Variants in RNF13 observed in about 807,000 individuals in gnomAD.
RNF13 encodes the protein E3 ubiquitin-protein ligase RNF13.
Under a neutral mutation model 37.7 loss-of-function variants are expected in RNF13, and 19 were observed. That is an observed-to-expected ratio of 0.50 (90% CI 0.35 to 0.74). RNF13 has a LOEUF of 0.74. Among genes scored for constraint, RNF13 ranks in the 30% least tolerant of loss-of-function variants. RNF13 has a pLI of 0.01. For missense variants in RNF13, 375 were observed against 453.0 expected (o/e 0.83, Z 1.56); for synonymous variants, 144 against 157.8 (o/e 0.91, Z 0.65).
rs111494314 is a variant in RNF13 at position 149,899,989 on chromosome 3, C to T, written c.410-2083C>T. ...TGTAATCTATCTTTGTCGATATGTA[C>T]TTCACAGAGTTGTTTTACAGATCAA... On this transcript the variant is annotated intron_variant, in intron 5 of 9. Transcript: ENST00000392894. 7.7e-4 allele frequency among the ~76,000 whole-genome samples: 117 copies of T among 152,294 alleles called. 1 individual carries two copies. The highest frequency in any genetic ancestry group is 2.7e-3 in the African/African-American group (114 of 41,566).
At chr3:149,849,668 T>A (rs1046801042) in intron 2 of RNF13, among the ~76,000 whole-genome samples, 1 of 152,208 alleles carries the variant, frequency 6.6e-6, no homozygotes, top group Non-Finnish European at 1.5e-5. Context: ...TTACCAGAGC[T>A]TGTTATTTTC....
intron 1 of RNF13, among the ~76,000 whole-genome samples, chr3:149,835,637 G>GTA (rs992237417): frequency 2.8e-5 from 4 of 143,888 alleles, no homozygotes; most frequent in Non-Finnish European, 4.6e-5. Flanking sequence ...ATTCCATTGT[G>GTA]TGTGTGTGTG....
At chr3:149,840,016 A>T (rs1167525655) in intron 1 of RNF13, among the ~76,000 whole-genome samples, 6 of 151,884 alleles carry the variant, frequency 4.0e-5, no homozygotes, top group Non-Finnish European at 5.9e-5. Flanking sequence ...TATCTTATTT[A>T]TTTTTTTTCA....
chr3:149,855,622 GTA>G (rs570662983), intron 3 of RNF13, among the ~76,000 whole-genome samples: 1 of 150,798 alleles, frequency 6.6e-6, no homozygotes. Context: ...ATATGTGTGT[GTA>G]TATATATATG....
At chr3:149,868,279 C>G (rs1032115905) in intron 3 of RNF13, among the ~76,000 whole-genome samples, 1 of 151,610 alleles carries the variant, frequency 6.6e-6, no homozygotes, top group African/African-American at 2.4e-5. Flanking sequence ...TGTCTATGTA[C>G]TTAATTGTAC....
At chr3:149,892,558 G>A (rs1364246685) in intron 4 of RNF13, among the ~76,000 whole-genome samples, 2 of 152,170 alleles carry the variant, frequency 1.3e-5, no homozygotes, top group Admixed American at 6.5e-5. Context: ...TTAGGAAATG[G>A]GCCGCATGGC....
At chr3:149,923,664 G>T (rs901483939) in intron 8 of RNF13, among the ~76,000 whole-genome samples, 1 of 151,142 alleles carries the variant, frequency 6.6e-6, no homozygotes, top group African/African-American at 2.4e-5. Context: ...TACTCAGGAG[G>T]CTGAGGCAGG....
intron 3 of RNF13, among the ~76,000 whole-genome samples, chr3:149,856,145 T>G (rs149842390): frequency 0.014 from 2,169 of 151,896 alleles, 90 homozygotes; most frequent in Admixed American, 0.085. Flanking sequence ...GTGTTAGATA[T>G]CTGTCTGCTT....
intron 8 of RNF13, among the ~76,000 whole-genome samples, chr3:149,959,311 A>AAAACAAAC (rs201095288): frequency 2.0e-5 from 3 of 152,164 alleles, no homozygotes; most frequent in Non-Finnish European, 4.4e-5. Flanking sequence ...TCCGTCTCCA[A>AAAACAAAC]AAACAAACAA....
At chr3:149,930,586 A>G (rs956518755) in intron 8 of RNF13, among the ~76,000 whole-genome samples, 1 of 152,170 alleles carries the variant, frequency 6.6e-6, no homozygotes, top group African/African-American at 2.4e-5. Context: ...TCACAGAATG[A>G]GTTATGATAT....
chr3:149,945,556 T>C lies in RNF13; in HGVS notation c.701-14500T>C, dbSNP rs540346457. Among the ~76,000 whole-genome samples, 6 of 152,274 alleles carry C rather than the reference T, an allele frequency of 3.9e-5. No homozygotes were observed. In the East Asian group the frequency reaches 1.2e-3, roughly 29 times the overall value. ...GACTTAAATGTCCCTGTCTGACAGC[T>C]TTGAAGAGAGTAGTGGTTCTCCCAG... is the stretch of plus-strand genomic sequence containing the variant. On this transcript the variant is annotated intron_variant, in intron 8 of 9. Transcript: ENST00000392894.
At chr3:149,950,690 G>A (rs1290502477) in intron 8 of RNF13, among the ~76,000 whole-genome samples, 1 of 151,098 alleles carries the variant, frequency 6.6e-6, no homozygotes, top group Non-Finnish European at 1.5e-5. Context: ...TGCCCAGGCT[G>A]GTCTTCAACA....
At chr3:149,916,903 G>A (rs970729937) in intron 7 of RNF13, among the ~76,000 whole-genome samples, 8 of 152,014 alleles carry the variant, frequency 5.3e-5, no homozygotes, top group African/African-American at 1.9e-4. Flanking sequence ...TCTAGTATAT[G>A]CATTTAGGTT....
chr3:149,937,305 GT>G (rs1719793664), intron 8 of RNF13, among the ~76,000 whole-genome samples: 1 of 152,134 alleles, frequency 6.6e-6, no homozygotes, highest in South Asian at 2.1e-4. Context: ...CTTAGTCTCA[GT>G]TTCTCCAGGA....
chr3:149,846,087 G>A lies in RNF13; in HGVS notation c.61G>A (p.Val21Ile), dbSNP rs575763341. ...CACACAAGTCTACACCATCTTGACT[G>A]TCCAGCTCTTTGCATTCTTAAACCT... ...SATQVYTILT[V>I]QLFAFLNLLP... Residue 21 changes from valine to isoleucine, a missense_variant, in exon 2 of 10, where the codon GTC (valine) becomes ATC (isoleucine). Transcript: ENST00000392894. 3 of 1,613,170 alleles carry A rather than the reference G, an allele frequency of 1.9e-6. No individual in the cohort carries two copies. The highest frequency in any genetic ancestry group is 2.2e-5 in the East Asian group (1 of 44,868).
intron 6 of RNF13, among the ~76,000 whole-genome samples, chr3:149,909,581 C>G (rs1245299586): frequency 3.3e-5 from 5 of 151,758 alleles, no homozygotes; most frequent in Non-Finnish European, 7.4e-5. Flanking sequence ...GCAAGATGCT[C>G]AAAATCTTTT....
At chr3:149,840,687 A>C (rs1350354810) in intron 1 of RNF13, among the ~76,000 whole-genome samples, 1 of 152,094 alleles carries the variant, frequency 6.6e-6, no homozygotes, top group Admixed American at 6.5e-5. Flanking sequence ...AAGATACCAC[A>C]CTCACTGTCC....
intron 1 of RNF13, among the ~76,000 whole-genome samples, chr3:149,835,675 G>A (rs1177640827): frequency 6.6e-6 from 1 of 151,320 alleles, no homozygotes; most frequent in African/African-American, 2.4e-5. Flanking sequence ...GTTTGTGTGT[G>A]TGTGTGTGTA....
At chr3:149,831,535 G>A (rs1477504462) in intron 1 of RNF13, among the ~76,000 whole-genome samples, 2 of 152,138 alleles carry the variant, frequency 1.3e-5, no homozygotes, top group Admixed American at 1.3e-4. Context: ...GGGTGTATTT[G>A]ACCAATGCCT....
Sources: gnomAD v4.1 joint callset for allele counts (sites outside exome capture counted in the v4.1 genomes callset) on GRCh38, gnomAD v4.1.1 for gene constraint, MANE v1.5 for transcripts, NCBI Gene and HGNC (gene_info 2026-07-23, HGNC 2026-07-21) for gene names.